The following TVP23C variants were observed in gnomAD, a reference collection of about 807,000 sequenced individuals.
The protein encoded by TVP23C is Golgi apparatus membrane protein TVP23 homolog C.
TVP23C carries 19 observed loss-of-function variants against 28.7 expected under a neutral mutation model. That is an observed-to-expected ratio of 0.66 (90% CI 0.46 to 0.97). The LOEUF is 0.97. Ranked by LOEUF, TVP23C falls within the 50% of genes least tolerant of loss-of-function variation. TVP23C has a pLI of 0.00. For synonymous variants in TVP23C, 68 were observed against 81.7 expected, an observed-to-expected ratio of 0.83 and a Z score of 0.90; for missense variants, 186 against 241.3, an observed-to-expected ratio of 0.77 and a Z score of 1.52.
chr17:15,528,089 C>G (rs1982799932), intron 5 of TVP23C, among the ~76,000 whole-genome samples: 1 of 151,998 alleles, frequency 6.6e-6, no homozygotes. Flanking sequence ...TACTGTTTTT[C>G]AAGTCTTTAT....
At chr17:15,525,328 A>C (rs1313270721) in intron 5 of TVP23C, among the ~76,000 whole-genome samples, 1 of 152,212 alleles carries the variant, frequency 6.6e-6, no homozygotes, top group East Asian at 1.9e-4. Context: ...TGTGATGGTT[A>C]ATTTTTTGTG....
chr17:15,503,100 G>A lies in TVP23C; in HGVS notation c.595C>T (p.Gln199Ter), dbSNP rs1358820527. The A allele has an allele frequency of 5.6e-6, 9 of 1,614,098 alleles. No individual in the cohort carries two copies. Among genetic ancestry groups the A allele is most frequent in the Non-Finnish European group, 7.6e-6 (9 of 1,180,006 alleles). ...CTCGTGAAAGAATTAATGTCTACCT[G>A]ATGAAACTTCCTCGAGGGATGGCCC... The change falls in exon 6 of 6, where the codon CAG (glutamine) becomes TAG (stop). Residue 199 changes from glutamine to a stop codon, truncating the protein, a stop_gained. Coordinates refer to the TVP23C transcript ENST00000225576. LOFTEE classifies it low-confidence loss of function (END_TRUNC).
chr17:15,508,454 T>A (rs913037914), intron 5 of TVP23C, among the ~76,000 whole-genome samples: 2 of 152,114 alleles, frequency 1.3e-5, no homozygotes, highest in African/African-American at 4.8e-5. Context: ...GTAGGCAGCA[T>A]CCCGCTCAGG....
At chr17:15,544,925 C>G (rs946792914) in intron 5 of TVP23C, among the ~76,000 whole-genome samples, 2 of 151,870 alleles carry the variant, frequency 1.3e-5, no homozygotes, top group Admixed American at 1.3e-4. Flanking sequence ...TATCTGATAT[C>G]AATAAATATT....
At chr17:15,512,687 T>G (rs1046818863) in intron 5 of TVP23C, among the ~76,000 whole-genome samples, 2 of 152,184 alleles carry the variant, frequency 1.3e-5, no homozygotes, top group Non-Finnish European at 2.9e-5. Context: ...AAATAGCCGA[T>G]AGAAGATCAT....
At position 15,553,697 on chromosome 17, in the gene TVP23C, A is replaced by T. The variant is rs1422422050; in HGVS notation, c.228T>A (p.Phe76Leu). ...CAATCAAAATTACCTTCACTGCCCA[A>T]AAGTCACACGACAACAACAAGATAA... is the stretch of plus-strand genomic sequence containing the variant. ...VTIILLLSCD[F>L]WAVKNVTGRL... The change falls in exon 3 of 6, where the codon TTT (phenylalanine) becomes TTA (leucine). Residue 76 changes from phenylalanine to leucine, a missense_variant. Physicochemically the swap from Phe to Leu is conservative, Grantham distance 22. Coordinates refer to ENST00000518321, the MANE Select transcript of TVP23C (RefSeq NM_001135036.2). 1 of 1,607,726 alleles carries T rather than the reference A, an allele frequency of 6.2e-7. No homozygotes were observed. Among genetic ancestry groups the T allele is most frequent in the South Asian group, 1.1e-5 (1 of 88,236 alleles).
intron 3 of TVP23C, among the ~76,000 whole-genome samples, chr17:15,551,563 C>T (rs1205809516): frequency 1.3e-5 from 2 of 152,090 alleles, no homozygotes; most frequent in Non-Finnish European, 2.9e-5. Context: ...TTAACATCAC[C>T]TAGGGCAAGC....
intron 5 of TVP23C, among the ~76,000 whole-genome samples, chr17:15,510,270 G>C (rs1981944011): frequency 6.6e-6 from 1 of 152,128 alleles, no homozygotes; most frequent in Admixed American, 6.6e-5. Context: ...ACTAAGACTT[G>C]AGCTAACAAA....
chr17:15,514,442 T>C (rs1229372389), intron 5 of TVP23C, among the ~76,000 whole-genome samples: 1 of 152,246 alleles, frequency 6.6e-6, no homozygotes, highest in Non-Finnish European at 1.5e-5. Flanking sequence ...TTCTGATTTA[T>C]TTACTTGGTT....
At chr17:15,514,905 G>A (rs1028512104) in intron 5 of TVP23C, among the ~76,000 whole-genome samples, 33 of 152,158 alleles carry the variant, frequency 2.2e-4, no homozygotes, top group African/African-American at 6.8e-4. Context: ...AAGTGCACAT[G>A]GCTGTGGCAA....
At chr17:15,542,026 C>G (rs913783227) in intron 5 of TVP23C, among the ~76,000 whole-genome samples, 4 of 152,140 alleles carry the variant, frequency 2.6e-5, no homozygotes, top group African/African-American at 9.7e-5. Flanking sequence ...AAGGTACAAA[C>G]AGCAAACAGC....
intron 3 of TVP23C, among the ~76,000 whole-genome samples, chr17:15,551,122 G>T (rs2047808): frequency 0.13 from 19,082 of 150,670 alleles, 1,957 homozygotes; most frequent in African/African-American, 0.28. Context: ...TGCCATTATT[G>T]TTTTTTTTTT....
At chr17:15,522,916 C>T (rs952026575) in intron 5 of TVP23C, among the ~76,000 whole-genome samples, 6 of 152,130 alleles carry the variant, frequency 3.9e-5, no homozygotes, top group Admixed American at 1.3e-4. Flanking sequence ...GTGGTGCACA[C>T]CTGTGCACCA....
At chr17:15,508,804 C>T (rs1981881378) in intron 5 of TVP23C, among the ~76,000 whole-genome samples, 1 of 152,230 alleles carries the variant, frequency 6.6e-6, no homozygotes, top group Non-Finnish European at 1.5e-5. Context: ...CTATTTCCTT[C>T]CCTGTGTTCC....
intron 5 of TVP23C, among the ~76,000 whole-genome samples, chr17:15,529,490 T>C (rs1203529669): frequency 1.3e-5 from 2 of 152,102 alleles, no homozygotes; most frequent in Admixed American, 6.5e-5. Flanking sequence ...AATTATTCAA[T>C]ATGGAGAGTT....
At chr17:15,507,581 G>A (rs1336702849) in intron 5 of TVP23C, among the ~76,000 whole-genome samples, 1 of 152,218 alleles carries the variant, frequency 6.6e-6, no homozygotes. Context: ...GCTCACGCCT[G>A]TAATCCCAGC....
At chr17:15,560,711 A>G (rs932692662) in intron 1 of TVP23C, among the ~76,000 whole-genome samples, 1 of 146,914 alleles carries the variant, frequency 6.8e-6, no homozygotes, top group Non-Finnish European at 1.5e-5. Context: ...GCCCACCACC[A>G]CCCCTGGCTA....
chr17:15,533,975 T>A (rs1983048949), downstream of TVP23C, among the ~76,000 whole-genome samples: 1 of 152,228 alleles, frequency 6.6e-6, no homozygotes, highest in African/African-American at 2.4e-5. Flanking sequence ...AACATGCCTA[T>A]GGAGTGTCTT....
intron 5 of TVP23C, among the ~76,000 whole-genome samples, chr17:15,541,855 T>C (rs993163719): frequency 6.6e-6 from 1 of 152,118 alleles, no homozygotes; most frequent in African/African-American, 2.4e-5. Flanking sequence ...TGCTGGGTAT[T>C]GTATATATCA....
Sources: allele counts gnomAD v4.1 joint callset (sites outside exome capture counted in the v4.1 genomes callset), GRCh38; gene constraint gnomAD v4.1.1; transcripts MANE v1.5; gene names NCBI Gene and HGNC (gene_info 2026-07-23, HGNC 2026-07-21).